Variants in ATXN2 observed in about 807,000 individuals in gnomAD.
ATXN2 encodes ataxin 2.
ATXN2 carries 37 observed loss-of-function variants against 138.6 expected under a neutral mutation model. The ratio of observed to expected loss-of-function variants is 0.27; its 90% CI spans 0.21 to 0.35. The LOEUF (loss-of-function observed/expected upper bound fraction) is 0.35. Among genes scored for constraint, ATXN2 ranks in the 10% least tolerant of loss-of-function variants. The pLI is 1.00. For synonymous variants in ATXN2, 549 were observed against 543.7 expected, an observed-to-expected ratio of 1.01 and a Z score of -0.13; for missense variants, 1,216 against 1,480.3, an observed-to-expected ratio of 0.82 and a Z score of 2.93.
At chr12:111,479,384 C>T (rs11065921) in intron 18 of ATXN2, among the ~76,000 whole-genome samples, 2 of 116,072 alleles carry the variant, frequency 1.7e-5, no homozygotes, top group African/African-American at 3.5e-5. Flanking sequence ...GAAATCCCGT[C>T]TCTGCTAAAA....
rs532853001 is a variant in ATXN2, at chr12:111,531,410, G to A, written c.572-6094C>T. 1.3e-3 allele frequency among the ~76,000 whole-genome samples: 197 copies of A among 152,200 alleles called. 1 individual carries two copies. Among genetic ancestry groups the A allele is most frequent in the African/African-American group, 4.6e-3 (191 of 41,524 alleles). On this transcript the variant is annotated intron_variant, in intron 5 of 24. Coordinates refer to ENST00000673436, the MANE Select transcript of ATXN2 (RefSeq NM_001372574.1). ...TTGCGCCACTGCACTCCAACCTGGCGAGAGCGAGACTCCGTCTCAAAAAAT... is the reference window on the plus strand; with the variant it reads ...TTGCGCCACTGCACTCCAACCTGGCAAGAGCGAGACTCCGTCTCAAAAAAT...
At chr12:111,593,681 T>C (rs750328702) in intron 1 of ATXN2, among the ~76,000 whole-genome samples, 1 of 151,776 alleles carries the variant, frequency 6.6e-6, no homozygotes, top group Non-Finnish European at 1.5e-5. Flanking sequence ...GTTTATTTTC[T>C]CCACATACTT....
At chr12:111,547,923 T>A (rs555085786) in intron 5 of ATXN2, among the ~76,000 whole-genome samples, 2 of 148,866 alleles carry the variant, frequency 1.3e-5, no homozygotes, top group South Asian at 4.3e-4. Flanking sequence ...CTGGGCACAG[T>A]GGTTCATGCC....
chr12:111,468,061 T>C (rs1456714428), intron 20 of ATXN2, among the ~76,000 whole-genome samples: 1 of 152,278 alleles, frequency 6.6e-6, no homozygotes, highest in Admixed American at 6.5e-5. Flanking sequence ...AGGAAAGAGA[T>C]GTTCTTTCCA....
chr12:111,582,215 G>A lies in ATXN2; in HGVS notation c.251+16569C>T, dbSNP rs527660429. ...CGCAGACACTTTGGGAGGCGAAGGCGGGCAGATCACTTGAGCTCAGGAGTT... is the reference window on the plus strand; with the variant it reads ...CGCAGACACTTTGGGAGGCGAAGGCAGGCAGATCACTTGAGCTCAGGAGTT... On this transcript the variant is annotated intron_variant, in intron 1 of 24. Coordinates refer to ENST00000673436, the MANE Select transcript of ATXN2 (RefSeq NM_001372574.1). 3.3e-5 allele frequency among the ~76,000 whole-genome samples: 5 copies of A among 152,150 alleles called. No individual in the cohort carries two copies. In the East Asian group the frequency reaches 5.8e-4, roughly 18 times the overall value.
intron 5 of ATXN2, among the ~76,000 whole-genome samples, chr12:111,548,255 A>G (rs1010273010): frequency 8.5e-5 from 13 of 152,318 alleles, no homozygotes; most frequent in Admixed American, 3.3e-4. Context: ...ACCAAACCAC[A>G]TAATTTATGT....
intron 1 of ATXN2, among the ~76,000 whole-genome samples, chr12:111,572,203 C>T (rs1734152489): frequency 6.6e-6 from 1 of 152,000 alleles, no homozygotes; most frequent in Admixed American, 6.6e-5. Context: ...AGTTCGAGAC[C>T]AGCCTGACCA....
chr12:111,501,899 T>TA, intron 14 of ATXN2, among the ~76,000 whole-genome samples: 1 of 152,120 alleles, frequency 6.6e-6, no homozygotes, highest in African/African-American at 2.4e-5. Flanking sequence ...GGACACTTTT[T>TA]TTTTTTTTTC....
In ATXN2 at chr12:111,484,573, AC is replaced by A. The variant is rs1333569848; in HGVS notation, c.2524+691del. On this transcript the variant is annotated intron_variant, in intron 18 of 24. Transcript: ENST00000673436. ...TCAGCCCCACCTAGTAGCTGGGATT[AC>A]AGGCGGCAGGTGCCACCATGTCCGG... 3.9e-5 allele frequency among the ~76,000 whole-genome samples: 6 copies of A among 152,100 alleles called. No homozygotes were observed. In the South Asian group the frequency reaches 6.2e-4, roughly 16 times the overall value.
At chr12:111,463,079 TGCATTTTAAATGCTAATATG>T (rs1875714667) in intron 21 of ATXN2, among the ~76,000 whole-genome samples, 1 of 152,108 alleles carries the variant, frequency 6.6e-6, no homozygotes, top group Admixed American at 6.6e-5. Flanking sequence ...TAAGGTCAAA[TGCATTTTAAATGCTAATATG>T]GCATTTAGTA....
intron 18 of ATXN2, among the ~76,000 whole-genome samples, chr12:111,474,006 A>G (rs1876610054): frequency 6.6e-6 from 1 of 152,188 alleles, no homozygotes; most frequent in South Asian, 2.1e-4. Context: ...GCACCTTGGG[A>G]GTCAAGGCAG....
At chr12:111,521,046 C>T in intron 6 of ATXN2, 73 bp from the exon 7 acceptor site, 1 of 952,600 alleles carries the variant, frequency 1.0e-6, no homozygotes, top group African/African-American at 1.7e-5. Context: ...TAACCAACAT[C>T]TATATTAACA....
At chr12:111,581,940 T>C (rs1306474398) in intron 1 of ATXN2, among the ~76,000 whole-genome samples, 1 of 151,492 alleles carries the variant, frequency 6.6e-6, no homozygotes, top group Non-Finnish European at 1.5e-5. Flanking sequence ...TGCACGTGTT[T>C]CTGGTTTAAA....
intron 1 of ATXN2, among the ~76,000 whole-genome samples, chr12:111,583,873 A>C (rs976593651): frequency 3.3e-5 from 5 of 151,982 alleles, no homozygotes; most frequent in African/African-American, 1.2e-4. Context: ...TAGATAAATA[A>C]CTTTTTTCTA....
At chr12:111,525,684 G>A (rs2135747679) in intron 5 of ATXN2, among the ~76,000 whole-genome samples, 1 of 135,436 alleles carries the variant, frequency 7.4e-6, no homozygotes, top group South Asian at 2.3e-4. Flanking sequence ...GCCACACGAA[G>A]CATTTTTTTT....
intron 18 of ATXN2, among the ~76,000 whole-genome samples, chr12:111,475,550 C>T (rs372764808): frequency 1.2e-4 from 16 of 131,382 alleles, no homozygotes; most frequent in South Asian, 2.5e-4. Context: ...AGTACAGGTG[C>T]GCAATCTCAA....
At chr12:111,587,359 A>AT (rs1402005270) in intron 1 of ATXN2, among the ~76,000 whole-genome samples, 1 of 152,162 alleles carries the variant, frequency 6.6e-6, no homozygotes, top group African/African-American at 2.4e-5. Flanking sequence ...GAAAAACGTC[A>AT]ATGAAAAATA....
At chr12:111,564,659 G>A (rs940003566) in intron 1 of ATXN2, among the ~76,000 whole-genome samples, 39 of 151,828 alleles carry the variant, frequency 2.6e-4, no homozygotes, top group African/African-American at 9.2e-4. Context: ...GTGCAGAGGT[G>A]CAGCCTGTAG....
Position 111,598,255 on chromosome 12 carries a change from G to T in ATXN2, c.251+529C>A. 1 of 1,026,932 alleles carries T rather than the reference G, an allele frequency of 9.7e-7. No homozygotes were observed. The highest frequency in any genetic ancestry group is 1.2e-6 in the Non-Finnish European group (1 of 854,236). 63.6% of individuals were successfully genotyped at this position (1,026,932 alleles called of 1,614,324 possible). Reference sequence around the variant, plus strand: ...AGCCCCGACAGACCCTGATGATTCCGGAGGAGCCCGGTGCCTACCCCTTTA... The same window carrying T: ...AGCCCCGACAGACCCTGATGATTCCTGAGGAGCCCGGTGCCTACCCCTTTA... On this transcript the variant is annotated intron_variant, in intron 1 of 24. Transcript: ENST00000673436. This position sits in a 1 kb window ranked among gnomAD's most constrained non-coding sequence, Gnocchi z 4.5.
Sources: allele counts gnomAD v4.1 joint callset (sites outside exome capture counted in the v4.1 genomes callset), GRCh38; gene constraint gnomAD v4.1.1; non-coding constraint Gnocchi (gnomAD v3.1); transcripts MANE v1.5; gene names NCBI Gene and HGNC (gene_info 2026-07-23, HGNC 2026-07-21).